DOCK4: variants seen among roughly 807,000 people sequenced by gnomAD.
The protein encoded by DOCK4 is dedicator of cytokinesis 4, also known as dedicator of cytokinesis protein 4.
A neutral mutation model predicts 268.1 loss-of-function variants in DOCK4; 97 were observed. The observed-to-expected ratio is 0.36, with a 90% CI of 0.31 to 0.43. DOCK4 has a LOEUF of 0.43. DOCK4 is among the 20% of genes least tolerant of loss of function. The pLI, the probability that DOCK4 is intolerant of heterozygous loss-of-function variation, is 1.00. For synonymous variants in DOCK4, 954 were observed against 887.2 expected (o/e 1.08, Z -1.34); for missense variants, 2,145 against 2,455.7 (o/e 0.87, Z 2.67).
chr7:112,167,756 T>C (rs2116567889), intron 1 of DOCK4, among the ~76,000 whole-genome samples: 1 of 152,330 alleles, frequency 6.6e-6, no homozygotes, highest in Admixed American at 6.5e-5. Flanking sequence ...AGTACATGCC[T>C]TGATTGTTTC....
intron 8 of DOCK4, among the ~76,000 whole-genome samples, chr7:111,976,269 T>TTTTATA (rs1554400806): frequency 3.0e-5 from 1 of 33,138 alleles, no homozygotes; most frequent in Non-Finnish European, 5.3e-5. Flanking sequence ...TGTGTGTCTA[T>TTTTATA]TATATATATA....
chr7:111,781,342 G>T (rs966102580), intron 35 of DOCK4, among the ~76,000 whole-genome samples: 2 of 152,186 alleles, frequency 1.3e-5, no homozygotes, highest in African/African-American at 4.8e-5. Context: ...GAATGTGGGA[G>T]AAACTCAGGC....
In DOCK4 at chr7:111,823,670, T is replaced by C. The variant is rs182724834; in HGVS notation, c.2836-1214A>G. On this transcript the variant is annotated intron_variant, in intron 26 of 52. Transcript: ENST00000428084. ...TCAATCTAGCTTTGATTTAGATTTA[T>C]TAACTAGAAAACTTAAAGAGTTTTT... Among the ~76,000 whole-genome samples the C allele has an allele frequency of 2.8e-3, 434 of 152,340 alleles. 5 individuals are homozygous for C. The highest frequency in any genetic ancestry group is 1.0e-2 in the African/African-American group (414 of 41,580).
At chr7:112,097,848 A>G (rs1219966593) in intron 1 of DOCK4, among the ~76,000 whole-genome samples, 1 of 152,180 alleles carries the variant, frequency 6.6e-6, no homozygotes, top group Non-Finnish European at 1.5e-5. Flanking sequence ...AGTTTAGGAC[A>G]CCAGAGTTTT....
At chr7:112,177,913 T>A (rs768367943) in intron 1 of DOCK4, among the ~76,000 whole-genome samples, 32 of 152,234 alleles carry the variant, frequency 2.1e-4, no homozygotes, top group Non-Finnish European at 4.4e-4. Flanking sequence ...CCCATGGGCA[T>A]GACTGGCCAC....
intron 47 of DOCK4, chr7:111,739,750 G>A: frequency 4.5e-6 from 2 of 445,542 alleles, no homozygotes; most frequent in Non-Finnish European, 4.1e-6. Flanking sequence ...CTTCATTGAG[G>A]TATAAGTAGA....
chr7:111,733,470 C>G (rs1476241445), intron 51 of DOCK4, among the ~76,000 whole-genome samples: 1 of 152,190 alleles, frequency 6.6e-6, no homozygotes, highest in African/African-American at 2.4e-5. Flanking sequence ...CTTAGTTCTC[C>G]TATCCTGTTG....
chr7:111,827,188 T>C (rs1035690139), intron 26 of DOCK4, among the ~76,000 whole-genome samples: 2 of 152,218 alleles, frequency 1.3e-5, no homozygotes, highest in African/African-American at 4.8e-5. Context: ...TTAATAATCA[T>C]TATCACATTG....
chr7:112,063,693 T>C (rs1247637953), intron 1 of DOCK4, among the ~76,000 whole-genome samples: 7 of 152,210 alleles, frequency 4.6e-5, no homozygotes, highest in Admixed American at 3.3e-4. Context: ...AATTTACTGA[T>C]GGGACTCAAG....
At chr7:111,902,281 T>C (rs1250814261) in intron 13 of DOCK4, among the ~76,000 whole-genome samples, 2 of 152,168 alleles carry the variant, frequency 1.3e-5, no homozygotes, top group Non-Finnish European at 2.9e-5. Flanking sequence ...GACAAAATGA[T>C]CTCACTGCTG....
At chr7:112,146,396 A>G (rs1367019454) in intron 1 of DOCK4, among the ~76,000 whole-genome samples, 1 of 152,150 alleles carries the variant, frequency 6.6e-6, no homozygotes, top group Non-Finnish European at 1.5e-5. Context: ...AAAATAGAGG[A>G]ATTTCAAAGC....
chr7:112,038,814 C>G (rs1015078054), intron 1 of DOCK4, among the ~76,000 whole-genome samples: 18 of 152,228 alleles, frequency 1.2e-4, no homozygotes, highest in African/African-American at 3.9e-4. Context: ...GATTTAAATC[C>G]TTGTTCTTCA....
chr7:111,946,141 G>A (rs1012422888), intron 8 of DOCK4, among the ~76,000 whole-genome samples: 2 of 152,132 alleles, frequency 1.3e-5, no homozygotes, highest in Non-Finnish European at 2.9e-5. Context: ...TGTTTCATGT[G>A]TCTGTAACTA....
chr7:111,915,917 A>G lies in DOCK4; in HGVS notation c.1067-13T>C. 1.9e-6 allele frequency: 3 copies of G among 1,607,528 alleles called. No individual in the cohort carries two copies. The highest frequency in any genetic ancestry group is 2.2e-5 in the East Asian group (1 of 44,764). On this transcript the variant is annotated splice_polypyrimidine_tract_variant and intron_variant, in intron 12 of 52. Transcript: ENST00000428084. ...GAAACTGCTAAACCTAAAACAGATG[A>G]GAGATACCCGAGTTAAAAACAGAAT...
At chr7:111,837,221 C>T (rs1477005230) in intron 25 of DOCK4, among the ~76,000 whole-genome samples, 1 of 151,780 alleles carries the variant, frequency 6.6e-6, no homozygotes, top group Admixed American at 6.6e-5. Flanking sequence ...TGAAAGACAA[C>T]GGAGCAACAG....
intron 1 of DOCK4, among the ~76,000 whole-genome samples, chr7:112,115,754 TCACTGCAGC>T (rs1483135842): frequency 4.3e-4 from 65 of 152,298 alleles, no homozygotes; most frequent in African/African-American, 1.5e-3. Flanking sequence ...CGATCATAGG[TCACTGCAGC>T]CTCTAACTCC....
At position 111,900,407 on chromosome 7, in the gene DOCK4, C is replaced by T; in HGVS notation, c.1447G>A (p.Ala483Thr). The T allele has an allele frequency of 6.2e-7, 1 of 1,613,424 alleles. No homozygotes were observed. The highest frequency in any genetic ancestry group is 8.5e-7 in the Non-Finnish European group (1 of 1,179,712). The stretch of plus-strand genomic sequence containing the variant: ...TGCCGAAACTCGAAGCGGATGTGTG[C>T]ACCCCGGAATTTATCCACAGGAATG... Reference protein sequence around the residue: ...LPIPVDKFRGAHIRFEFRHCS... With the variant: ...LPIPVDKFRGTHIRFEFRHCS... Residue 483 changes from alanine to threonine, a missense_variant, in exon 15 of 53, where the codon GCA (alanine) becomes ACA (threonine). Ala to Thr is a moderately conservative substitution (Grantham distance 58). Around this residue, in one of 2 missense-constraint regions of DOCK4, gnomAD observed 1,598 missense variants for 1,986.7 expected, o/e 0.80. Transcript: ENST00000428084.
At position 111,822,443 on chromosome 7, in the gene DOCK4, TGCA is replaced by T; in HGVS notation, c.2846_2848del (p.Leu949del). 1 of 1,612,832 alleles carries T rather than the reference TGCA, an allele frequency of 6.2e-7. No individual in the cohort carries two copies. Among genetic ancestry groups the T allele is most frequent in the South Asian group, 1.1e-5 (1 of 90,624 alleles). On this transcript the variant is annotated inframe_deletion, in exon 27 of 53. Transcript: ENST00000428084. ...CAATATTCGGAACACAGTAAATATCTGCAGCAGGAAATCCTTGGATAAGGAGAA... is the reference window on the plus strand; with the variant it reads ...CAATATTCGGAACACAGTAAATATCTGCAGGAAATCCTTGGATAAGGAGAA...
At chr7:111,887,695 GAC>G (rs1230766260) in intron 16 of DOCK4, among the ~76,000 whole-genome samples, 7 of 151,776 alleles carry the variant, frequency 4.6e-5, no homozygotes, top group Admixed American at 1.3e-4. Flanking sequence ...AGGGAAGACA[GAC>G]ATTTCACGCA....
Sources: gnomAD v4.1 joint callset for allele counts (sites outside exome capture counted in the v4.1 genomes callset) on GRCh38, gnomAD v4.1.1 for gene constraint, gnomAD v4.1.1 regional missense constraint, MANE v1.5 for transcripts, NCBI Gene and HGNC (gene_info 2026-07-23, HGNC 2026-07-21) for gene names.